The following ASTN2 variants were observed in gnomAD, a reference collection of about 807,000 sequenced individuals.
ASTN2 encodes the protein astrotactin-2.
A neutral mutation model predicts 139.8 loss-of-function variants in ASTN2; 54 were observed. That is an observed-to-expected ratio of 0.39 (90% confidence interval 0.31 to 0.48). ASTN2 has a LOEUF of 0.48. Ranked by LOEUF, ASTN2 falls within the 20% of genes least tolerant of loss-of-function variation. The pLI is 0.95. For missense variants in ASTN2, 1,565 were observed against 1,725.1 expected (o/e 0.91, Z 1.64); for synonymous variants, 756 against 719.5 (o/e 1.05, Z -0.81).
intron 14 of ASTN2, among the ~76,000 whole-genome samples, chr9:116,731,710 C>A (rs1296918733): frequency 6.6e-6 from 1 of 152,160 alleles, no homozygotes; most frequent in Non-Finnish European, 1.5e-5. Flanking sequence ...AGGCATGAGC[C>A]ACTGCGCCCG....
chr9:116,780,698 T>C (rs535649455), intron 13 of ASTN2, among the ~76,000 whole-genome samples: 2 of 152,276 alleles, frequency 1.3e-5, no homozygotes, highest in Admixed American at 1.3e-4. Context: ...TTTCCGTTAG[T>C]TCTCTTCATT....
At chr9:116,874,560 A>G (rs1436555135) in intron 10 of ASTN2, among the ~76,000 whole-genome samples, 1 of 152,228 alleles carries the variant, frequency 6.6e-6, no homozygotes, top group Non-Finnish European at 1.5e-5. Flanking sequence ...TATTCAACTC[A>G]CAGAATTGTG....
At chr9:117,124,011 C>T (rs929164545) in intron 4 of ASTN2, among the ~76,000 whole-genome samples, 13 of 152,042 alleles carry the variant, frequency 8.6e-5, no homozygotes, top group African/African-American at 2.9e-4. Flanking sequence ...TGAATTGCAT[C>T]GAATTTATAG....
intron 16 of ASTN2, among the ~76,000 whole-genome samples, chr9:116,718,025 T>A (rs1828362258): frequency 6.6e-6 from 1 of 152,210 alleles, no homozygotes; most frequent in Non-Finnish European, 1.5e-5. Flanking sequence ...TCACAGAGCT[T>A]ATAGTGCAGC....
At chr9:116,956,842 A>G (rs1835722527) in intron 10 of ASTN2, among the ~76,000 whole-genome samples, 1 of 152,214 alleles carries the variant, frequency 6.6e-6, no homozygotes, top group African/African-American at 2.4e-5. Context: ...CACCAAAAAG[A>G]ATGAAATACT....
chr9:116,648,193 G>A (rs187789947), intron 17 of ASTN2, among the ~76,000 whole-genome samples: 392 of 152,000 alleles, frequency 2.6e-3, no homozygotes, highest in African/African-American at 9.2e-3. Context: ...GTAGAGATGG[G>A]GTTTCACCAT....
chr9:116,861,973 C>CTTTTTTT (rs56282333), intron 11 of ASTN2, among the ~76,000 whole-genome samples: 5 of 133,646 alleles, frequency 3.7e-5, no homozygotes, highest in South Asian at 2.4e-4. Flanking sequence ...TTTCCTTCTT[C>CTTTTTTT]TTTTTTTTTT....
intron 10 of ASTN2, among the ~76,000 whole-genome samples, chr9:116,890,591 C>G (rs1348305053): frequency 6.6e-6 from 1 of 152,108 alleles, no homozygotes; most frequent in African/African-American, 2.4e-5. Flanking sequence ...TCGAAAGTCC[C>G]CTGTCAAAGC....
intron 4 of ASTN2, among the ~76,000 whole-genome samples, chr9:117,112,063 A>G (rs1429258209): frequency 1.3e-5 from 2 of 152,018 alleles, no homozygotes; most frequent in African/African-American, 4.8e-5. Flanking sequence ...ACTCTCAAAT[A>G]CTTAGTAATA....
intron 10 of ASTN2, among the ~76,000 whole-genome samples, chr9:116,876,333 T>C (rs1290402590): frequency 1.3e-5 from 2 of 152,230 alleles, no homozygotes; most frequent in Non-Finnish European, 2.9e-5. Flanking sequence ...GAGAAGTTGC[T>C]TCTTGTGGAG....
intron 20 of ASTN2, among the ~76,000 whole-genome samples, chr9:116,455,013 T>C (rs1283652851): frequency 2.0e-5 from 3 of 151,596 alleles, no homozygotes; most frequent in Non-Finnish European, 4.4e-5. Context: ...ATTGTGCACA[T>C]GTACCCTAGA....
Position 116,728,998 on chromosome 9 carries a change from C to T in ASTN2, c.2620G>A (p.Ala874Thr), listed in dbSNP as rs72765708. Residue 874 changes from alanine to threonine, a missense_variant, in exon 15 of 23, where the codon GCA becomes ACA. Coordinates refer to ENST00000313400, the MANE Select transcript of ASTN2 (RefSeq NM_001365068.1). ...YRVKLSTITL[A>T]AGFTNVLKIL... is the part of the protein sequence containing the mutation. ...CCCAGGCAGTGGTCCTCACCTGCTG[C>T]GAGGGTGATGGTGCTGAGCTTCACA... The T allele has an allele frequency of 0.11, 179,837 of 1,580,932 alleles. 11,767 individuals are homozygous for T. Among genetic ancestry groups the T allele is most frequent in the Non-Finnish European group, 0.13 (148,001 of 1,162,018 alleles).
At chr9:116,848,981 C>T (rs574920798) in intron 11 of ASTN2, among the ~76,000 whole-genome samples, 1 of 152,286 alleles carries the variant, frequency 6.6e-6, no homozygotes. Context: ...TTCCCACAAT[C>T]CCTTCCTTGG....
intron 1 of ASTN2, among the ~76,000 whole-genome samples, chr9:117,358,538 A>G (rs1829607201): frequency 6.6e-6 from 1 of 152,052 alleles, no homozygotes; most frequent in African/African-American, 2.4e-5. Flanking sequence ...ACTGGGGGCA[A>G]TTGTCTTTAC....
At chr9:116,674,568 T>C (rs1360272039) in intron 16 of ASTN2, among the ~76,000 whole-genome samples, 1 of 152,226 alleles carries the variant, frequency 6.6e-6, no homozygotes, top group Admixed American at 6.5e-5. Flanking sequence ...CCCTTGTTAT[T>C]TGCTTTTTTG....
At chr9:116,950,423 T>TGAGG (rs1295407657) in intron 10 of ASTN2, among the ~76,000 whole-genome samples, 2 of 152,082 alleles carry the variant, frequency 1.3e-5, no homozygotes, top group South Asian at 2.1e-4. Context: ...AATTTGCTGC[T>TGAGG]GAGGGAGGGA....
At chr9:116,798,840 G>A (rs1328483274) in intron 13 of ASTN2, among the ~76,000 whole-genome samples, 1 of 152,164 alleles carries the variant, frequency 6.6e-6, no homozygotes, top group Non-Finnish European at 1.5e-5. Flanking sequence ...GCCATTCAGG[G>A]AGAGGCAGGT....
At chr9:117,115,581 G>A (rs1829363658) in intron 4 of ASTN2, among the ~76,000 whole-genome samples, 1 of 152,118 alleles carries the variant, frequency 6.6e-6, no homozygotes, top group South Asian at 2.1e-4. Context: ...TCTTAAGTGA[G>A]ATAATACATT....
intron 3 of ASTN2, among the ~76,000 whole-genome samples, chr9:117,190,978 A>G (rs931262309): frequency 6.6e-6 from 1 of 152,276 alleles, no homozygotes; most frequent in African/African-American, 2.4e-5. Context: ...CCTGACACAC[A>G]GTAGGTACTT....
Sources: gnomAD v4.1 joint callset for allele counts (sites outside exome capture counted in the v4.1 genomes callset) on GRCh38, gnomAD v4.1.1 for gene constraint, MANE v1.5 for transcripts, NCBI Gene and HGNC (gene_info 2026-07-23, HGNC 2026-07-21) for gene names.